ZNF423: variants seen among roughly 807,000 people sequenced by gnomAD.
ZNF423 encodes Ebf-associated zinc finger protein.
A neutral mutation model predicts 95.8 loss-of-function variants in ZNF423; 12 were observed. The ratio of observed to expected loss-of-function variants is 0.13; its 90% CI spans 0.08 to 0.20. ZNF423 has a LOEUF of 0.20. Among genes scored for constraint, ZNF423 ranks in the 10% least tolerant of loss-of-function variants. The pLI, the probability that ZNF423 is intolerant of heterozygous loss-of-function variation, is 1.00. For synonymous variants in ZNF423, 749 were observed against 711.9 expected (o/e 1.05, Z -0.83); for missense variants, 1,316 against 1,737.1 (o/e 0.76, Z 4.31).
intron 3 of ZNF423, among the ~76,000 whole-genome samples, chr16:49,693,120 C>A (rs766417522): frequency 6.6e-6 from 1 of 152,218 alleles, no homozygotes; most frequent in Non-Finnish European, 1.5e-5. Flanking sequence ...ACATGCCAAG[C>A]ATTGTTCTGA....
chr16:49,750,489 G>A lies in ZNF423; in HGVS notation c.101-19518C>T, dbSNP rs141302072. Among the ~76,000 whole-genome samples the A allele has an allele frequency of 3.3e-3, 496 of 152,248 alleles. 12 individuals are homozygous for A. Among genetic ancestry groups the A allele is most frequent in the East Asian group, 0.016 (82 of 5,154 alleles). On this transcript the variant is annotated intron_variant, in intron 2 of 7. Transcript: ENST00000563137. ...CTGCCAGCACTGAGTCACAGAAGAC[G>A]TGTCAGCCAGACACAGGGAGGAGGG...
intron 1 of ZNF423, among the ~76,000 whole-genome samples, chr16:49,811,238 C>T (rs531138397): frequency 8.4e-4 from 128 of 152,240 alleles, no homozygotes; most frequent in African/African-American, 3.0e-3. Flanking sequence ...GGGAGGTCTG[C>T]TTGGGGGTAG....
chr16:49,547,946 C>A (rs540369075), intron 5 of ZNF423, among the ~76,000 whole-genome samples: 12 of 152,312 alleles, frequency 7.9e-5, no homozygotes, highest in African/African-American at 2.2e-4. Flanking sequence ...CGGCCTCCTT[C>A]CACTTTCCCT....
intron 5 of ZNF423, among the ~76,000 whole-genome samples, chr16:49,589,546 A>T (rs771856533): frequency 1.3e-5 from 2 of 152,028 alleles, no homozygotes; most frequent in Non-Finnish European, 2.9e-5. Context: ...TATGCTTCAT[A>T]GCTTCAGATA....
At chr16:49,600,791 C>G (rs1200787194) in intron 5 of ZNF423, among the ~76,000 whole-genome samples, 1 of 152,182 alleles carries the variant, frequency 6.6e-6, no homozygotes, top group African/African-American at 2.4e-5. Context: ...GGAGTGAGTG[C>G]TCCGGCTCCG....
At chr16:49,529,618 T>A (rs1362027604) in intron 5 of ZNF423, among the ~76,000 whole-genome samples, 2 of 151,932 alleles carry the variant, frequency 1.3e-5, no homozygotes, top group Non-Finnish European at 2.9e-5. Flanking sequence ...TCCAAAAGCA[T>A]TTGATCCCTG....
chr16:49,843,349 T>G (rs142992821), intron 1 of ZNF423, among the ~76,000 whole-genome samples: 1 of 152,350 alleles, frequency 6.6e-6, no homozygotes, highest in African/African-American at 2.4e-5. Flanking sequence ...AACAGATTTA[T>G]ATACTCTAGG....
chr16:49,574,087 A>T (rs1044079326), intron 5 of ZNF423, among the ~76,000 whole-genome samples: 3 of 152,218 alleles, frequency 2.0e-5, no homozygotes, highest in African/African-American at 7.2e-5. Context: ...AGAGTCTTTT[A>T]AAACAAAGAT....
At chr16:49,767,786 G>A (rs1307197790) in intron 2 of ZNF423, among the ~76,000 whole-genome samples, 2 of 152,148 alleles carry the variant, frequency 1.3e-5, no homozygotes, top group Non-Finnish European at 2.9e-5. Context: ...TGAAGTCCAC[G>A]CATCCTTCCA....
chr16:49,617,469 C>T (rs1971915797), intron 5 of ZNF423, among the ~76,000 whole-genome samples: 1 of 152,212 alleles, frequency 6.6e-6, no homozygotes, highest in Non-Finnish European at 1.5e-5. Context: ...TCCAGGCCAC[C>T]AAGCCCATGT....
At chr16:49,796,581 G>T (rs1336265245) in intron 1 of ZNF423, among the ~76,000 whole-genome samples, 1 of 152,222 alleles carries the variant, frequency 6.6e-6, no homozygotes, top group Non-Finnish European at 1.5e-5. Flanking sequence ...GGCAGAGAAG[G>T]TTCAGGTCAA....
intron 1 of ZNF423, among the ~76,000 whole-genome samples, chr16:49,825,605 A>G (rs1434970790): frequency 6.6e-6 from 1 of 152,104 alleles, no homozygotes; most frequent in Non-Finnish European, 1.5e-5. Context: ...TGGGGGAGAC[A>G]TTCCTGGAAA....
At chr16:49,632,700 A>T (rs763653639) in intron 4 of ZNF423, among the ~76,000 whole-genome samples, 20 of 152,154 alleles carry the variant, frequency 1.3e-4, no homozygotes, top group Non-Finnish European at 2.2e-4. Flanking sequence ...AACACAGGCC[A>T]CAGCAAGGTT....
chr16:49,653,474 G>C (rs1973493764), intron 3 of ZNF423, among the ~76,000 whole-genome samples: 1 of 152,148 alleles, frequency 6.6e-6, no homozygotes, highest in Non-Finnish European at 1.5e-5. Flanking sequence ...ATAATCCTCT[G>C]ATTGGGATTA....
chr16:49,846,955 CCTAA>C (rs1179435738), intron 1 of ZNF423: 1 of 152,436 alleles, frequency 6.6e-6, no homozygotes, highest in Non-Finnish European at 1.5e-5. Context: ...TGCCCACCTC[CCTAA>C]CTAAGCCCAG....
intron 5 of ZNF423, among the ~76,000 whole-genome samples, chr16:49,574,694 A>T (rs1382129618): frequency 6.6e-6 from 1 of 151,178 alleles, no homozygotes; most frequent in African/African-American, 2.4e-5. Flanking sequence ...CTCTCCGCCT[A>T]CAGCCAGCTG....
chr16:49,695,870 A>T (rs1218872604), intron 3 of ZNF423, among the ~76,000 whole-genome samples: 2 of 152,252 alleles, frequency 1.3e-5, no homozygotes, highest in Non-Finnish European at 2.9e-5. Flanking sequence ...TGTGCCAGCC[A>T]CACTCCAAGC....
At chr16:49,664,129 GC>G (rs1432356799) in intron 3 of ZNF423, 1 of 985,462 alleles carries the variant, frequency 1.0e-6, no homozygotes, top group African/African-American at 1.7e-5. Context: ...GGGCAAACTG[GC>G]CGATGCCAAG....
At position 49,598,795 on chromosome 16, in the gene ZNF423, G is replaced by A. The variant is rs1002500733; in HGVS notation, c.3601+27375C>T. ...CCAGGGAAAAACTGAAGTGGTCGGG[G>A]GTGATGTTAGGACTGGATGCAGATG... On this transcript the variant is annotated intron_variant, in intron 5 of 7. Transcript: ENST00000563137. Among the ~76,000 whole-genome samples the A allele has an allele frequency of 1.2e-4, 19 of 152,324 alleles. No individual in the cohort carries two copies. The South Asian group carries it at 1.9e-3, about 15-fold the overall frequency.
Sources: gnomAD v4.1 joint callset for allele counts (sites outside exome capture counted in the v4.1 genomes callset) on GRCh38, gnomAD v4.1.1 for gene constraint, MANE v1.5 for transcripts, NCBI Gene and HGNC (gene_info 2026-07-23, HGNC 2026-07-21) for gene names.